FARS2: variants seen among roughly 807,000 people sequenced by gnomAD.
The protein encoded by FARS2 is phenylalanyl-tRNA synthetase 2, mitochondrial.
FARS2 carries 40 observed loss-of-function variants against 46.4 expected under a neutral mutation model. The ratio of observed to expected loss-of-function variants is 0.86; its 90% CI spans 0.67 to 1.12. The LOEUF (loss-of-function observed/expected upper bound fraction) is 1.12, where lower values mean the gene tolerates loss of function less well. Ranked by LOEUF, FARS2 falls within the 50% of genes most tolerant of loss-of-function variation. The probability of loss-of-function intolerance (pLI) is 0.00; values close to 1 mark genes in which losing one functional copy is unlikely to be tolerated. For synonymous variants in FARS2, 234 were observed against 214.9 expected (o/e 1.09, Z -0.78); for missense variants, 513 against 567.9 (o/e 0.90, Z 0.98).
At chr6:5,460,492 A>G (rs965973533) in intron 4 of FARS2, among the ~76,000 whole-genome samples, 2 of 152,168 alleles carry the variant, frequency 1.3e-5, no homozygotes, top group African/African-American at 2.4e-5. Context: ...TGGGCTTGAG[A>G]CTAGGTTTCC....
intron 1 of FARS2, among the ~76,000 whole-genome samples, chr6:5,283,898 G>T (rs1766933074): frequency 6.6e-6 from 1 of 151,970 alleles, no homozygotes; most frequent in East Asian, 1.9e-4. Context: ...CCTCATTCAG[G>T]CATCATTTTG....
At chr6:5,421,439 CCTT>C (rs1361697309) in intron 3 of FARS2, among the ~76,000 whole-genome samples, 12 of 152,192 alleles carry the variant, frequency 7.9e-5, no homozygotes, top group Non-Finnish European at 1.0e-4. Flanking sequence ...TTAACTTTCA[CCTT>C]CTTGTTACTT....
rs548964107 is a variant in FARS2 at position 5,349,256 on chromosome 6, C to G, written c.-21-19294C>G. On this transcript the variant is annotated intron_variant, in intron 1 of 6. Transcript: ENST00000274680. ...TAATCACTCTCAAGGAAATGAAATA[C>G]TTAGGTATAAATTTAACAAAACATA... Among the ~76,000 whole-genome samples, 4 of 152,218 alleles carry G rather than the reference C, an allele frequency of 2.6e-5. No individual in the cohort carries two copies. The South Asian group carries it at 8.3e-4, about 32-fold the overall frequency.
intron 6 of FARS2, among the ~76,000 whole-genome samples, chr6:5,693,825 C>T (rs1001821082): frequency 4.0e-4 from 61 of 152,138 alleles, no homozygotes; most frequent in African/African-American, 1.4e-3. Context: ...AGCGGCCTGG[C>T]CTTCCTTACT....
At chr6:5,318,234 C>T (rs779397512) in intron 1 of FARS2, among the ~76,000 whole-genome samples, 23 of 152,046 alleles carry the variant, frequency 1.5e-4, no homozygotes, top group Non-Finnish European at 3.1e-4. Flanking sequence ...TGGCCGGCAC[C>T]TGTAGTTCCA....
rs58648213 is a variant in FARS2 at position 5,404,227 on chromosome 6, T to A, written c.613-315T>A. ...TTAGAATATGAAAGCGATTCACTAG[T>A]ATTTCCACTAGAATTGAGGATAATG... is the stretch of plus-strand genomic sequence containing the variant. On this transcript the variant is annotated intron_variant, in intron 2 of 6. Transcript: ENST00000274680. 0.034 allele frequency among the ~76,000 whole-genome samples: 5,158 copies of A among 152,306 alleles called. 315 individuals carry two copies. The highest frequency in any genetic ancestry group is 0.12 in the African/African-American group (4,917 of 41,546).
the FARS2 span, among the ~76,000 whole-genome samples, chr6:5,252,335 T>C: frequency 6.6e-6 from 1 of 152,170 alleles, no homozygotes; most frequent in Non-Finnish European, 1.5e-5. Flanking sequence ...GTGAGACCAA[T>C]CAAGTTGCTT....
At chr6:5,564,649 G>A (rs1335417145) in intron 5 of FARS2, among the ~76,000 whole-genome samples, 1 of 152,184 alleles carries the variant, frequency 6.6e-6, no homozygotes, top group East Asian at 1.9e-4. Context: ...TTTGCATAAA[G>A]TGCAGCAAGA....
chr6:5,609,470 C>A (rs1487196735), intron 5 of FARS2: 8 of 1,222,762 alleles, frequency 6.5e-6, no homozygotes, highest in Admixed American at 1.7e-5. Context: ...AGCCATCCGC[C>A]CTGCCACCAT....
At chr6:5,578,808 CAAAAAAAAAAA>C (rs56248218) in intron 5 of FARS2, among the ~76,000 whole-genome samples, 6 of 124,374 alleles carry the variant, frequency 4.8e-5, no homozygotes, top group Non-Finnish European at 6.6e-5. Flanking sequence ...CACTCCGTCT[CAAAAAAAAAAA>C]AAAAAAAAAA....
chr6:5,771,297 C>G lies in FARS2; in HGVS notation c.1224C>G (p.His408Gln), dbSNP rs1183433141. ...LIDKFVHPKT[H>Q]KTSHCYRITY... Reference sequence around the variant, plus strand: ...GTTCTCTTCCTCTCTGTAGGACGCACAAGACCAGCCACTGCTACCGCATCA... The same window carrying G: ...GTTCTCTTCCTCTCTGTAGGACGCAGAAGACCAGCCACTGCTACCGCATCA... The change falls in exon 7 of 7, where the codon CAC becomes CAG. Residue 408 changes from histidine to glutamine, a missense_variant. Physicochemically the swap from His to Gln is conservative, Grantham distance 24. Coordinates refer to ENST00000274680, the MANE Select transcript of FARS2 (RefSeq NM_006567.5). 6.2e-7 allele frequency: 1 copy of G among 1,614,032 alleles called. No individual in the cohort carries two copies. The highest frequency in any genetic ancestry group is 2.2e-5 in the East Asian group (1 of 44,886).
At chr6:5,767,809 G>A (rs1762830830) in intron 6 of FARS2, among the ~76,000 whole-genome samples, 1 of 152,236 alleles carries the variant, frequency 6.6e-6, no homozygotes, top group Admixed American at 6.5e-5. Context: ...GAGAGACAGT[G>A]TAGGTCATGG....
intron 5 of FARS2, among the ~76,000 whole-genome samples, chr6:5,570,371 C>T (rs1043514042): frequency 2.8e-4 from 42 of 152,290 alleles, no homozygotes; most frequent in Admixed American, 2.2e-3. Flanking sequence ...TTATGGTGTG[C>T]ACTTTGCATT....
At chr6:5,356,412 T>C (rs1264997068) in intron 1 of FARS2, among the ~76,000 whole-genome samples, 4 of 152,112 alleles carry the variant, frequency 2.6e-5, no homozygotes, top group Admixed American at 1.3e-4. Flanking sequence ...GATGGCACCA[T>C]TGCACTCCAG....
chr6:5,269,460 A>T (rs1362863472), intron 1 of FARS2, among the ~76,000 whole-genome samples: 1 of 12,182 alleles, frequency 8.2e-5, no homozygotes, highest in Non-Finnish European at 1.5e-4. Context: ...AAAGTATAAT[A>T]AAAAAAAAAA....
At chr6:5,770,286 T>C (rs879665591) in intron 6 of FARS2, among the ~76,000 whole-genome samples, 1 of 152,198 alleles carries the variant, frequency 6.6e-6, no homozygotes, top group African/African-American at 2.4e-5. Context: ...GGCCTCTCCC[T>C]GGCTAGGCTA....
intron 2 of FARS2, among the ~76,000 whole-genome samples, chr6:5,387,192 G>T (rs903652807): frequency 2.6e-5 from 4 of 152,166 alleles, no homozygotes; most frequent in African/African-American, 9.7e-5. Flanking sequence ...AGAGCCTTTG[G>T]AGAGATTACT....
At chr6:5,405,659 A>AT (rs1293331301) in intron 3 of FARS2, among the ~76,000 whole-genome samples, 2 of 151,548 alleles carry the variant, frequency 1.3e-5, no homozygotes, top group Non-Finnish European at 2.9e-5. Flanking sequence ...CGCCTGGTTA[A>AT]TTTTTTGTAT....
At chr6:5,632,163 T>C (rs1161850724) in intron 6 of FARS2, among the ~76,000 whole-genome samples, 1 of 152,192 alleles carries the variant, frequency 6.6e-6, no homozygotes, top group Non-Finnish European at 1.5e-5. Context: ...AAATGTCCCG[T>C]AGGTGTATTC....
Sources: allele counts gnomAD v4.1 joint callset (sites outside exome capture counted in the v4.1 genomes callset), GRCh38; gene constraint gnomAD v4.1.1; transcripts MANE v1.5; gene names NCBI Gene and HGNC (gene_info 2026-07-23, HGNC 2026-07-21).